The following LRMDA variants were observed in gnomAD, a reference collection of about 807,000 sequenced individuals.
The protein encoded by LRMDA is leucine-rich melanocyte differentiation-associated protein.
LRMDA carries 18 observed loss-of-function variants against 29.8 expected under a neutral mutation model. The ratio of observed to expected loss-of-function variants is 0.60; its 90% CI spans 0.42 to 0.90. The LOEUF is 0.90. LRMDA is among the 40% of genes least tolerant of loss of function. LRMDA has a pLI of 0.00. For missense variants in LRMDA, 273 were observed against 273.9 expected, an observed-to-expected ratio of 1.00 and a Z score of 0.02; for synonymous variants, 125 against 109.4, an observed-to-expected ratio of 1.14 and a Z score of -0.89.
chr10:76,030,248 T>TTGTG (rs374768624), intron 2 of LRMDA, among the ~76,000 whole-genome samples: 6 of 151,160 alleles, frequency 4.0e-5, no homozygotes, highest in African/African-American at 1.5e-4. Flanking sequence ...ATATAATTAT[T>TTGTG]TGTGTGTGTG....
intron 2 of LRMDA, among the ~76,000 whole-genome samples, chr10:75,529,954 G>C (rs1248481953): frequency 2.0e-5 from 3 of 151,910 alleles, no homozygotes; most frequent in African/African-American, 4.8e-5. Flanking sequence ...GGGACATGGA[G>C]GAAAATACCA....
chr10:76,299,993 T>G (rs536194552), intron 5 of LRMDA, among the ~76,000 whole-genome samples: 1 of 152,316 alleles, frequency 6.6e-6, no homozygotes, highest in African/African-American at 2.4e-5. Flanking sequence ...TGAGAGAAAC[T>G]CTAAATCTGT....
intron 5 of LRMDA, among the ~76,000 whole-genome samples, chr10:76,062,014 G>A (rs1001380112): frequency 6.6e-6 from 1 of 152,208 alleles, no homozygotes; most frequent in Non-Finnish European, 1.5e-5. Flanking sequence ...CCATGCAGGT[G>A]TGTATACCCG....
chr10:76,030,096 C>T (rs948200346), intron 2 of LRMDA, among the ~76,000 whole-genome samples: 2 of 152,090 alleles, frequency 1.3e-5, no homozygotes, highest in African/African-American at 2.4e-5. Context: ...CTTACTATGT[C>T]GCCCAGGCTA....
intron 2 of LRMDA, among the ~76,000 whole-genome samples, chr10:75,525,592 C>CTTTTTT (rs11415547): frequency 1.2e-3 from 150 of 129,668 alleles, no homozygotes; most frequent in Non-Finnish European, 1.7e-3. Flanking sequence ...TTCTTTCTTT[C>CTTTTTT]TTTTTTTTTT....
intron 2 of LRMDA, among the ~76,000 whole-genome samples, chr10:75,725,010 CA>C (rs1414375350): frequency 6.6e-6 from 1 of 152,160 alleles, no homozygotes; most frequent in Non-Finnish European, 1.5e-5. Flanking sequence ...TTTAGGGACA[CA>C]ATGTATTTGA....
chr10:75,527,156 C>T (rs1845423082), intron 2 of LRMDA, among the ~76,000 whole-genome samples: 1 of 152,142 alleles, frequency 6.6e-6, no homozygotes, highest in Non-Finnish European at 1.5e-5. Context: ...TGGCTTCTTT[C>T]ACTCAGAATA....
rs141880564 is a variant in LRMDA at position 75,931,788 on chromosome 10, G to C, written c.132-104220G>C. On this transcript the variant is annotated intron_variant, in intron 2 of 6. Transcript: ENST00000611255. The stretch of plus-strand genomic sequence containing the variant: ...CTGCTTCTCTTGCTGGGGAAGTCCT[G>C]TCCATGGAGCCGGCTTTACCAGCTG... 7.1e-3 allele frequency among the ~76,000 whole-genome samples: 1,077 copies of C among 152,286 alleles called. 12 individuals carry two copies. The highest frequency in any genetic ancestry group is 0.023 in the African/African-American group (971 of 41,560).
intron 2 of LRMDA, among the ~76,000 whole-genome samples, chr10:75,815,051 C>T (rs1589216077): frequency 2.0e-5 from 3 of 152,082 alleles, no homozygotes; most frequent in Non-Finnish European, 4.4e-5. Context: ...ATTTCCCTAC[C>T]ATGGATGAAC....
chr10:75,796,420 A>T (rs1190268886), intron 2 of LRMDA, among the ~76,000 whole-genome samples: 3 of 151,930 alleles, frequency 2.0e-5, no homozygotes, highest in Non-Finnish European at 4.4e-5. Flanking sequence ...GCCTCTATTG[A>T]TTATATGGGT....
At chr10:76,051,512 A>T (rs1270853903) in intron 4 of LRMDA, among the ~76,000 whole-genome samples, 3 of 151,850 alleles carry the variant, frequency 2.0e-5, no homozygotes, top group African/African-American at 7.3e-5. Flanking sequence ...CAGTTATTCC[A>T]CTCACACTGT....
At chr10:76,508,760 T>C (rs1224645967) in intron 6 of LRMDA, among the ~76,000 whole-genome samples, 8 of 152,192 alleles carry the variant, frequency 5.3e-5, no homozygotes, top group African/African-American at 1.7e-4. Context: ...CGTGTTCTAT[T>C]TTATCTTCTC....
At chr10:76,168,514 G>A (rs940803296) in intron 5 of LRMDA, among the ~76,000 whole-genome samples, 2 of 152,162 alleles carry the variant, frequency 1.3e-5, no homozygotes, top group African/African-American at 4.8e-5. Flanking sequence ...GCATTGTTCT[G>A]GAACTTGGCG....
rs543216130 is a variant in LRMDA, at chr10:75,895,020, G to A, written c.132-140988G>A. 2.6e-5 allele frequency among the ~76,000 whole-genome samples: 4 copies of A among 152,266 alleles called. No homozygotes were observed. The South Asian group carries it at 6.2e-4, about 24-fold the overall frequency. ...CCTGGAGGGTAGGATTTGTTTGGAT[G>A]AAAAGTGGAAATCCAGTGGGAAAGG... On this transcript the variant is annotated intron_variant, in intron 2 of 6. Coordinates refer to ENST00000611255, the MANE Select transcript of LRMDA (RefSeq NM_001305581.2).
intron 2 of LRMDA, among the ~76,000 whole-genome samples, chr10:75,463,490 ATT>A (rs1190860287): frequency 1.4e-5 from 2 of 142,538 alleles, no homozygotes; most frequent in African/African-American, 2.5e-5. Context: ...GTTCTGGATG[ATT>A]TTTTTTTTTT....
At chr10:76,130,893 C>T (rs180705038) in intron 5 of LRMDA, among the ~76,000 whole-genome samples, 1 of 152,164 alleles carries the variant, frequency 6.6e-6, no homozygotes, top group East Asian at 1.9e-4. Flanking sequence ...AAACTCTTGA[C>T]CTCAGGTGAT....
chr10:76,065,687 T>A (rs1276386097), intron 5 of LRMDA, among the ~76,000 whole-genome samples: 1 of 152,254 alleles, frequency 6.6e-6, no homozygotes, highest in Non-Finnish European at 1.5e-5. Flanking sequence ...ACCCAACAAC[T>A]GGGAGAAGTG....
At chr10:76,382,005 A>G (rs1221234413) in intron 6 of LRMDA, among the ~76,000 whole-genome samples, 1 of 152,262 alleles carries the variant, frequency 6.6e-6, no homozygotes, top group African/African-American at 2.4e-5. Flanking sequence ...ATCTTCTCAT[A>G]GAAACGTTGT....
At chr10:75,758,330 G>A (rs1843057163) in intron 2 of LRMDA, among the ~76,000 whole-genome samples, 2 of 152,216 alleles carry the variant, frequency 1.3e-5, no homozygotes, top group Non-Finnish European at 2.9e-5. Context: ...CTCACGTCCA[G>A]TCTCCTGCCC....
Sources: gnomAD v4.1 joint callset for allele counts (sites outside exome capture counted in the v4.1 genomes callset) on GRCh38, gnomAD v4.1.1 for gene constraint, MANE v1.5 for transcripts, NCBI Gene and HGNC (gene_info 2026-07-23, HGNC 2026-07-21) for gene names.